HHAT: variants seen among roughly 807,000 people sequenced by gnomAD.
HHAT encodes hedgehog acyltransferase, also known as protein-cysteine N-palmitoyltransferase HHAT.
Under a neutral mutation model 70.8 loss-of-function variants are expected in HHAT, and 47 were observed. That is an observed-to-expected ratio of 0.66 (90% CI 0.53 to 0.85). The LOEUF (loss-of-function observed/expected upper bound fraction) is 0.85, where lower values mean the gene tolerates loss of function less well. Among genes scored for constraint, HHAT ranks in the 40% least tolerant of loss-of-function variants. The pLI is 0.00. For missense variants in HHAT, 609 were observed against 604.8 expected (o/e 1.01, Z -0.07); for synonymous variants, 228 against 247.6 (o/e 0.92, Z 0.74).
At chr1:210,633,784 C>T (rs552299233) in intron 11 of HHAT, among the ~76,000 whole-genome samples, 1 of 152,150 alleles carries the variant, frequency 6.6e-6, no homozygotes, top group African/African-American at 2.4e-5. Flanking sequence ...AGCCACCCTG[C>T]ATCCCACCAA....
At chr1:210,328,072 G>C (rs1048615069), upstream of HHAT, among the ~76,000 whole-genome samples, 1 of 152,160 alleles carries the variant, frequency 6.6e-6, no homozygotes, top group African/African-American at 2.4e-5. Flanking sequence ...CACAGCTTCC[G>C]AGTTTCCCTG....
At chr1:210,512,861 A>G (rs535080754) in intron 8 of HHAT, among the ~76,000 whole-genome samples, 2 of 152,238 alleles carry the variant, frequency 1.3e-5, no homozygotes, top group South Asian at 2.1e-4. Context: ...CACTTACGCT[A>G]CTAGAGAGCA....
chr1:210,640,468 C>T (rs545628667), intron 11 of HHAT, among the ~76,000 whole-genome samples: 5 of 152,096 alleles, frequency 3.3e-5, no homozygotes, highest in Non-Finnish European at 5.9e-5. Context: ...AGTTCTGACT[C>T]CAATAAGCTG....
chr1:210,336,825 T>C (rs142723646), intron 1 of HHAT, among the ~76,000 whole-genome samples: 117 of 152,310 alleles, frequency 7.7e-4, no homozygotes, highest in African/African-American at 2.7e-3. Context: ...TTAAGGTTTT[T>C]TCTTCATTTA....
chr1:210,666,610 A>C (rs1678946065), intron 11 of HHAT, among the ~76,000 whole-genome samples: 1 of 152,060 alleles, frequency 6.6e-6, no homozygotes, highest in African/African-American at 2.4e-5. Context: ...CAGCCTCCTG[A>C]GTAGCTATGA....
intron 7 of HHAT, among the ~76,000 whole-genome samples, chr1:210,440,817 C>T (rs1317982321): frequency 6.7e-6 from 1 of 149,390 alleles, no homozygotes; most frequent in Non-Finnish European, 1.5e-5. Flanking sequence ...ATCTAGGTTC[C>T]CTAGTTTTTC....
chr1:210,400,799 G>A (rs191014071), intron 5 of HHAT, 137 bp downstream of exon 5: 103 of 750,422 alleles, frequency 1.4e-4, no homozygotes, highest in Non-Finnish European at 2.1e-4. Flanking sequence ...GCCGTACAGG[G>A]TTGCTACAAG....
rs149085353 is a variant in HHAT, at chr1:210,633,215, A to G, written c.1390+9545A>G. On this transcript the variant is annotated intron_variant, in intron 11 of 11. Coordinates refer to ENST00000261458, the MANE Select transcript of HHAT (RefSeq NM_018194.6). Reference sequence around the variant, plus strand: ...GCTGCCAGTGACTCTTCCTCACTGTAAGAAACAGTTCATGAGTCCAGCAGC... The same window carrying G: ...GCTGCCAGTGACTCTTCCTCACTGTGAGAAACAGTTCATGAGTCCAGCAGC... 4.0e-3 allele frequency among the ~76,000 whole-genome samples: 616 copies of G among 152,304 alleles called. 4 individuals carry two copies. The highest frequency in any genetic ancestry group is 0.014 in the African/African-American group (588 of 41,568).
chr1:210,380,313 G>T (rs1427574390), intron 3 of HHAT, among the ~76,000 whole-genome samples: 1 of 152,170 alleles, frequency 6.6e-6, no homozygotes, highest in Non-Finnish European at 1.5e-5. Flanking sequence ...GGCTGAGGAG[G>T]GTGGATCACT....
chr1:210,483,065 C>CT (rs1385391159), intron 8 of HHAT, among the ~76,000 whole-genome samples: 1 of 152,142 alleles, frequency 6.6e-6, no homozygotes, highest in Non-Finnish European at 1.5e-5. Flanking sequence ...TCCACACTGT[C>CT]TGACATGAAT....
At chr1:210,329,502 G>T (rs1266979565) in intron 1 of HHAT, 1 of 1,003,118 alleles carries the variant, frequency 1.0e-6, no homozygotes. Context: ...CTTCCTTTGC[G>T]TTCTATCTTC....
intron 9 of HHAT, among the ~76,000 whole-genome samples, chr1:210,516,076 AAAAG>A (rs916385734): frequency 1.6e-5 from 1 of 63,994 alleles, no homozygotes; most frequent in Non-Finnish European, 4.2e-5. Flanking sequence ...TCTCAAAAGA[AAAAG>A]AAAAAAAAAG....
intron 4 of HHAT, among the ~76,000 whole-genome samples, chr1:210,390,907 G>A (rs1214171257): frequency 1.3e-5 from 2 of 152,156 alleles, no homozygotes; most frequent in African/African-American, 4.8e-5. Context: ...TGGTTGATGG[G>A]CACTTAGATT....
chr1:210,364,655 C>T (rs910028), intron 3 of HHAT, among the ~76,000 whole-genome samples: 122,659 of 152,164 alleles, frequency 0.81, 50,087 homozygotes, highest in African/African-American at 0.93. Context: ...TTGCTACTTC[C>T]AGACAAAGCG....
chr1:210,474,819 G>C (rs182995246), intron 8 of HHAT, among the ~76,000 whole-genome samples: 1 of 139,922 alleles, frequency 7.1e-6, no homozygotes, highest in East Asian at 2.4e-4. Flanking sequence ...CCTCACCTCA[G>C]GTGTTTTTTT....
intron 11 of HHAT, among the ~76,000 whole-genome samples, chr1:210,632,725 C>T (rs571513772): frequency 2.0e-5 from 3 of 152,182 alleles, no homozygotes; most frequent in East Asian, 1.9e-4. Flanking sequence ...AAAACCTTAC[C>T]GAGGACTTCC....
rs2086777514 is a variant in HHAT at position 210,348,998 on chromosome 1, C to T, written c.23C>T (p.Ala8Val). Residue 8 changes from alanine (A) to valine (V), a missense_variant, in exon 2 of 12, where the codon GCA becomes GTA. Physicochemically the swap from Ala to Val is moderately conservative, Grantham distance 64. Coordinates refer to ENST00000261458, the MANE Select transcript of HHAT (RefSeq NM_018194.6). ...GCCATGCTGCCCCGATGGGAACTGG[C>T]ACTTTACCTACTTGCCTCACTAGGC... Reference protein sequence around the residue: MLPRWELALYLLASLGFH... With the variant: MLPRWELVLYLLASLGFH... 1.2e-6 allele frequency: 2 copies of T among 1,614,002 alleles called. No homozygotes were observed. The highest frequency in any genetic ancestry group is 1.7e-6 in the Non-Finnish European group (2 of 1,179,926).
intron 6 of HHAT, among the ~76,000 whole-genome samples, chr1:210,407,403 G>A (rs2092374552): frequency 6.6e-6 from 1 of 152,210 alleles, no homozygotes; most frequent in Non-Finnish European, 1.5e-5. Flanking sequence ...TGCACCACCA[G>A]GGGGCAGCAG....
chr1:210,371,040 T>C (rs895087597), intron 3 of HHAT, among the ~76,000 whole-genome samples: 2 of 152,200 alleles, frequency 1.3e-5, no homozygotes, highest in African/African-American at 4.8e-5. Flanking sequence ...AAATCTAGCA[T>C]GGATGAGACT....
Sources: gnomAD v4.1 joint callset for allele counts (sites outside exome capture counted in the v4.1 genomes callset) on GRCh38, gnomAD v4.1.1 for gene constraint, MANE v1.5 for transcripts, NCBI Gene and HGNC (gene_info 2026-07-23, HGNC 2026-07-21) for gene names.